DGKD: variants seen among roughly 807,000 people sequenced by gnomAD.
The protein encoded by DGKD is DAG kinase delta.
A neutral mutation model predicts 154.4 loss-of-function variants in DGKD; 68 were observed. The observed-to-expected ratio is 0.44, with a 90% CI of 0.36 to 0.54. DGKD has a LOEUF of 0.54. Ranked by LOEUF, DGKD falls within the 20% of genes least tolerant of loss-of-function variation. DGKD has a pLI of 0.00. For synonymous variants in DGKD, 693 were observed against 638.0 expected (o/e 1.09, Z -1.30); for missense variants, 1,343 against 1,593.6 (o/e 0.84, Z 2.68).
rs550415444 is a variant in DGKD, at chr2:233,425,057, A to G, written c.349-9323A>G. 7.9e-5 allele frequency among the ~76,000 whole-genome samples: 12 copies of G among 152,360 alleles called. No homozygotes were observed. In the South Asian group the frequency reaches 2.5e-3, roughly 32 times the overall value. ...GCTTGGCAACTCATTTAGAGTAGCA[A>G]GGTATTTTCTCATTTCTCTTGGAAA... On this transcript the variant is annotated intron_variant, in intron 3 of 29. Transcript: ENST00000264057.
At chr2:233,460,388 G>A (rs1429199497) in intron 24 of DGKD, 43 bp downstream of exon 24, 3 of 1,607,224 alleles carry the variant, frequency 1.9e-6, no homozygotes, top group Non-Finnish European at 2.5e-6. Context: ...CCTCCCCCAG[G>A]GTCCCTGGGA....
chr2:233,357,328 G>A (rs1421210834), intron 1 of DGKD, among the ~76,000 whole-genome samples: 1 of 152,180 alleles, frequency 6.6e-6, no homozygotes. Flanking sequence ...AGAACTGTAT[G>A]TATGTCAGGC....
intron 27 of DGKD, 41 bp downstream of exon 27, chr2:233,464,324 G>C: frequency 6.2e-7 from 1 of 1,606,162 alleles, no homozygotes; most frequent in African/African-American, 1.3e-5. Flanking sequence ...TCCCGGACAT[G>C]GTGGCTCTCG....
rs771988766 is a variant in DGKD, at chr2:233,450,027, T to A, written c.1934T>A (p.Val645Asp). The change falls in exon 16 of 30, where the codon GTC (valine) becomes GAC (aspartate). Residue 645 changes from valine (V) to aspartate (D), a missense_variant. Coordinates refer to ENST00000264057, the MANE Select transcript of DGKD (RefSeq NM_152879.3). Reference protein sequence around the residue: ...NAQTQEQEGFVLGLSESEEKM... With the variant: ...NAQTQEQEGFDLGLSESEEKM... The stretch of plus-strand genomic sequence containing the variant: ...CAGACCCAGGAGCAGGAGGGCTTCG[T>A]CCTGGGCCTCTCTGAGTCAGAGGAG... 7 of 1,613,562 alleles carry A rather than the reference T, an allele frequency of 4.3e-6. No homozygotes were observed. The highest frequency in any genetic ancestry group is 1.3e-5 in the African/African-American group (1 of 74,886).
chr2:233,387,511 G>T (rs1056184296), intron 1 of DGKD, among the ~76,000 whole-genome samples: 6 of 152,190 alleles, frequency 3.9e-5, no homozygotes, highest in African/African-American at 1.4e-4. Context: ...TGATGTTTTG[G>T]TGGCATGGGC....
At chr2:233,446,608 C>T (rs957617090) in intron 11 of DGKD, 104 bp from the exon 12 acceptor site, 91 of 1,165,258 alleles carry the variant, frequency 7.8e-5, no homozygotes, top group East Asian at 5.3e-4. Context: ...AAGTCAGAAA[C>T]GGTGTAAAGA....
At chr2:233,420,076 G>A (rs915333364) in intron 3 of DGKD, among the ~76,000 whole-genome samples, 11 of 152,174 alleles carry the variant, frequency 7.2e-5, no homozygotes, top group Non-Finnish European at 1.5e-4. Flanking sequence ...TGTCTGCCAT[G>A]AGACGCGTGG....
Position 233,457,587 on chromosome 2 carries a change from G to A in DGKD, c.2580+259G>A, listed in dbSNP as rs1216088554. On this transcript the variant is annotated intron_variant, in intron 21 of 29. Coordinates refer to ENST00000264057, the MANE Select transcript of DGKD (RefSeq NM_152879.3). This position sits in a 1 kb window ranked among gnomAD's most constrained non-coding sequence, Gnocchi z 5.5. ...GGTCAGCGGGTGTGACGTGGAAGGA[G>A]GGTCAGGGAAGGTGTCTGGGAGGCC... 1 of 601,158 alleles carries A rather than the reference G, an allele frequency of 1.7e-6. No homozygotes were observed. Among genetic ancestry groups the A allele is most frequent in the Admixed American group, 2.1e-5 (1 of 46,618 alleles). The allele number at this position is 601,158 out of a possible 1,614,324, so 37.2% of individuals were successfully genotyped here.
chr2:233,393,020 CT>C (rs1247697252), intron 3 of DGKD, among the ~76,000 whole-genome samples: 2 of 152,028 alleles, frequency 1.3e-5, no homozygotes, highest in South Asian at 2.1e-4. Context: ...TTTCTGTTTC[CT>C]TTTTTATTTT....
chr2:233,460,572 A>G (rs1404919816), intron 24 of DGKD, among the ~76,000 whole-genome samples: 2 of 152,082 alleles, frequency 1.3e-5, no homozygotes, highest in Non-Finnish European at 2.9e-5. Context: ...GCCCACTGTG[A>G]TTTTCAGGAC....
chr2:233,370,334 C>A (rs187758112), intron 1 of DGKD, among the ~76,000 whole-genome samples: 108 of 152,024 alleles, frequency 7.1e-4, no homozygotes, highest in African/African-American at 2.2e-3. Flanking sequence ...TCACCTCAGC[C>A]CCCCCAGTAG....
chr2:233,468,862 C>T (rs765544350), intron 29 of DGKD, among the ~76,000 whole-genome samples: 5 of 152,222 alleles, frequency 3.3e-5, no homozygotes, highest in African/African-American at 4.8e-5. Context: ...CAGTCACACA[C>T]GACTGTCCCC....
chr2:233,362,466 C>T (rs1701829351), intron 1 of DGKD, among the ~76,000 whole-genome samples: 1 of 152,118 alleles, frequency 6.6e-6, no homozygotes, highest in Admixed American at 6.5e-5. Flanking sequence ...GCTTGGCCAA[C>T]ATGGTGAAAC....
intron 24 of DGKD, 46 bp from the exon 25 acceptor site, chr2:233,462,302 C>G (rs1355254738): frequency 6.7e-7 from 1 of 1,489,546 alleles, no homozygotes; most frequent in African/African-American, 1.4e-5. Flanking sequence ...GAAAGGCTGC[C>G]CTTCCATTTG....
rs775399215 is a variant in DGKD at position 233,442,013 on chromosome 2, A to T, written c.1194+18A>T. Reference sequence around the variant, plus strand: ...ATAAACAGGTACCAGGACAGGAGGGAGCCCAGCCAGGAGCAGAGAGGGTGC... The same window carrying T: ...ATAAACAGGTACCAGGACAGGAGGGTGCCCAGCCAGGAGCAGAGAGGGTGC... On this transcript the variant is annotated intron_variant, in intron 10 of 29. Coordinates refer to ENST00000264057, the MANE Select transcript of DGKD (RefSeq NM_152879.3). The T allele has an allele frequency of 1.3e-5, 21 of 1,608,270 alleles. No homozygotes were observed. The highest frequency in any genetic ancestry group is 1.8e-5 in the Non-Finnish European group (21 of 1,174,774).
chr2:233,458,170 G>T lies in DGKD; in HGVS notation c.2581-114G>T, dbSNP rs904808528. The T allele has an allele frequency of 4.9e-6, 3 of 613,106 alleles. No homozygotes were observed. The highest frequency in any genetic ancestry group is 2.4e-5 in the Admixed American group (1 of 41,034). The allele number at this position is 613,106 out of a possible 1,614,324, so 38.0% of individuals were successfully genotyped here. ...AGCCCGTCAGGAGTGCAGTTACCTG[G>T]TAACTTCTCGCCAGCTAGGAGGGGC... On this transcript the variant is annotated intron_variant, in intron 21 of 29. Transcript: ENST00000264057. The surrounding 1 kb of genome is among the most constrained non-coding windows in gnomAD (Gnocchi z 6.6).
At chr2:233,384,327 C>A (rs1703058125) in intron 1 of DGKD, among the ~76,000 whole-genome samples, 3 of 152,126 alleles carry the variant, frequency 2.0e-5, no homozygotes, top group Non-Finnish European at 4.4e-5. Context: ...CCGCTTCTGC[C>A]CACTTTCTTC....
At chr2:233,360,140 G>T (rs1701713009) in intron 1 of DGKD, among the ~76,000 whole-genome samples, 1 of 152,174 alleles carries the variant, frequency 6.6e-6, no homozygotes, top group Non-Finnish European at 1.5e-5. Context: ...GGTATTTGGG[G>T]CTGCTTTTGA....
chr2:233,468,352 G>A, intron 28 of DGKD, 71 bp from the exon 29 acceptor site: 6 of 1,580,826 alleles, frequency 3.8e-6, no homozygotes, highest in South Asian at 2.3e-5. Flanking sequence ...CGGGTGCTGG[G>A]TGCCAGCTGC....
Sources: allele counts gnomAD v4.1 joint callset (sites outside exome capture counted in the v4.1 genomes callset), GRCh38; gene constraint gnomAD v4.1.1; non-coding constraint Gnocchi (gnomAD v3.1); transcripts MANE v1.5; gene names NCBI Gene and HGNC (gene_info 2026-07-23, HGNC 2026-07-21).